The following LIMCH1 variants were observed in gnomAD, a reference collection of about 807,000 sequenced individuals.
LIMCH1 encodes the protein LIM and calponin homology domains 1.
In LIMCH1, 113 loss-of-function variants were observed where a neutral mutation model predicts 176.5. The ratio of observed to expected loss-of-function variants is 0.64; its 90% CI spans 0.55 to 0.75. The LOEUF is 0.75. LIMCH1 is among the 30% of genes least tolerant of loss of function. The pLI, the probability that LIMCH1 is intolerant of heterozygous loss-of-function variation, is 0.00. For synonymous variants in LIMCH1, 619 were observed against 645.9 expected (o/e 0.96, Z 0.63); for missense variants, 1,674 against 1,814.9 (o/e 0.92, Z 1.41).
chr4:41,569,001 T>TA (rs60634214), intron 1 of LIMCH1, among the ~76,000 whole-genome samples: 70 of 152,014 alleles, frequency 4.6e-4, no homozygotes, highest in African/African-American at 1.5e-3. Context: ...CTCATATAAT[T>TA]AAAAAAAACA....
chr4:41,652,072 A>C (rs2094319716), intron 18 of LIMCH1, among the ~76,000 whole-genome samples: 1 of 152,188 alleles, frequency 6.6e-6, no homozygotes, highest in Non-Finnish European at 1.5e-5. Flanking sequence ...AGTTACAAGA[A>C]GGGAAAAACT....
intron 1 of LIMCH1, among the ~76,000 whole-genome samples, chr4:41,449,866 G>A (rs1478712361): frequency 2.0e-5 from 3 of 152,214 alleles, no homozygotes; most frequent in Admixed American, 6.5e-5. Flanking sequence ...TGGCAGGGTT[G>A]ATGTCTTCTG....
intron 1 of LIMCH1, among the ~76,000 whole-genome samples, chr4:41,546,543 C>T (rs139646937): frequency 6.6e-6 from 1 of 151,324 alleles, no homozygotes; most frequent in Non-Finnish European, 1.5e-5. Flanking sequence ...TTTTTCTCAA[C>T]TTTCTTCTTT....
chr4:41,666,192 TC>T (rs2094817514), intron 20 of LIMCH1, among the ~76,000 whole-genome samples: 8 of 152,224 alleles, frequency 5.3e-5, no homozygotes, highest in Admixed American at 5.2e-4. Context: ...ATGTGGAACA[TC>T]TAAATCTCCT....
At chr4:41,446,963 G>A (rs2063345923) in intron 1 of LIMCH1, among the ~76,000 whole-genome samples, 1 of 152,186 alleles carries the variant, frequency 6.6e-6, no homozygotes, top group South Asian at 2.1e-4. Flanking sequence ...GGTGGCTCAT[G>A]CCTGTCTGTA....
intron 13 of LIMCH1, among the ~76,000 whole-genome samples, chr4:41,637,893 A>G (rs1367146876): frequency 1.3e-5 from 2 of 152,218 alleles, no homozygotes; most frequent in East Asian, 1.9e-4. Flanking sequence ...CCTATAAACT[A>G]TTGTGAAACT....
rs2152721412 is a variant in LIMCH1, at chr4:41,591,110, T to C, written c.-240-7810T>C. Among the ~76,000 whole-genome samples, 3 of 152,354 alleles carry C rather than the reference T, an allele frequency of 2.0e-5. 1 individual carries two copies. The South Asian group carries it at 6.2e-4, about 32-fold the overall frequency. On this transcript the variant is annotated intron_variant, in intron 1 of 31. Transcript: ENST00000503057. The stretch of plus-strand genomic sequence containing the variant: ...AGAAAAGTAACATTATTGTTGGTTA[T>C]GGGTTTCCTAACAAGATCTGGGTCT...
At chr4:41,525,271 G>A (rs1442103434) in intron 3 of LIMCH1, among the ~76,000 whole-genome samples, 3 of 152,214 alleles carry the variant, frequency 2.0e-5, no homozygotes, top group Non-Finnish European at 4.4e-5. Context: ...CAGAGCAGAG[G>A]AAGTATGTAG....
intron 1 of LIMCH1, among the ~76,000 whole-genome samples, chr4:41,544,425 T>C (rs1203646302): frequency 6.6e-6 from 1 of 152,208 alleles, no homozygotes; most frequent in Non-Finnish European, 1.5e-5. Flanking sequence ...GAAGAAAATG[T>C]AGCTGTCGTC....
chr4:41,364,534 A>G (rs1384240944), intron 1 of LIMCH1, among the ~76,000 whole-genome samples: 1 of 152,312 alleles, frequency 6.6e-6, no homozygotes, highest in East Asian at 1.9e-4. Context: ...AGTTAACTAG[A>G]TGCTACATGT....
intron 20 of LIMCH1, among the ~76,000 whole-genome samples, chr4:41,664,961 A>G (rs1001414366): frequency 5.3e-5 from 8 of 152,162 alleles, no homozygotes; most frequent in African/African-American, 1.7e-4. Context: ...TGCCAAATAT[A>G]TATATAGCCC....
At chr4:41,402,037 C>A (rs192796594) in intron 1 of LIMCH1, among the ~76,000 whole-genome samples, 1,743 of 152,260 alleles carry the variant, frequency 0.011, 32 homozygotes, top group African/African-American at 0.04. Context: ...CTTCCCCTGC[C>A]TAATTGCCCT....
rs143755660 is a variant in LIMCH1 at position 41,381,359 on chromosome 4, C to T, written c.96+20423C>T. ...CTGTCAGCTCCAAGTATCGGTAATA[C>T]GAAGTGCAGTATTTTAAACACCCAA... is the stretch of plus-strand genomic sequence containing the variant. On this transcript the variant is annotated intron_variant, in intron 1 of 26. Transcript: ENST00000313860. Among the ~76,000 whole-genome samples the T allele has an allele frequency of 3.6e-3, 545 of 152,270 alleles. 3 individuals are homozygous for T. Among genetic ancestry groups the T allele is most frequent in the East Asian group, 0.021 (110 of 5,184 alleles).
At chr4:41,670,836 C>G in intron 21 of LIMCH1, 1 of 1,533,848 alleles carries the variant, frequency 6.5e-7, no homozygotes, top group South Asian at 1.2e-5. Context: ...GTGCGAAAAT[C>G]CATGTTGGGG....
chr4:41,648,151 A>C (rs2094140251), intron 17 of LIMCH1, among the ~76,000 whole-genome samples: 1 of 152,192 alleles, frequency 6.6e-6, no homozygotes, highest in South Asian at 2.1e-4. Flanking sequence ...ATGAATGGCT[A>C]TGGTATTTCC....
chr4:41,547,600 T>C (rs1278175344), intron 1 of LIMCH1, among the ~76,000 whole-genome samples: 1 of 147,832 alleles, frequency 6.8e-6, no homozygotes, highest in Non-Finnish European at 1.5e-5. Flanking sequence ...TTAAATGAGC[T>C]AATATATAAT....
At position 41,629,572 on chromosome 4, in the gene LIMCH1, G is replaced by A; in HGVS notation, c.1109G>A (p.Gly370Glu). The change falls in exon 9 of 32, where the codon GGA (glycine) becomes GAA (glutamate). Residue 370 changes from glycine to glutamate, a missense_variant. This residue lies in a region of LIMCH1 where 655 missense variants were observed against 692.2 expected (regional missense o/e 0.95). Coordinates refer to ENST00000503057, the MANE Select transcript of LIMCH1 (RefSeq NM_001330672.2). ...CAGGAAAGTGAACCTGTGGAAGGAG[G>A]ACTCAGGAAGGTGCCAGATCTTCAC... ...RAQESEPVEG[G>E]LRKVPDLHKD... 6.5e-7 allele frequency: 1 copy of A among 1,536,092 alleles called. No individual in the cohort carries two copies. Among genetic ancestry groups the A allele is most frequent in the South Asian group, 1.2e-5 (1 of 84,050 alleles).
rs760488800 is a variant in LIMCH1, at chr4:41,697,201, T to G, written c.*16T>G. On this transcript the variant is annotated 3_prime_UTR_variant, in exon 32 of 32. Transcript: ENST00000503057. The stretch of plus-strand genomic sequence containing the variant: ...AACATTGTGACACGGCTTTCAAGCT[T>G]CCGGATCACTCACCATTTCTTTACT... 2 of 1,613,038 alleles carry G rather than the reference T, an allele frequency of 1.2e-6. No individual in the cohort carries two copies. The highest frequency in any genetic ancestry group is 1.7e-6 in the Non-Finnish European group (2 of 1,179,080).
At chr4:41,658,709 A>G (rs2094530201) in intron 18 of LIMCH1, among the ~76,000 whole-genome samples, 1 of 152,222 alleles carries the variant, frequency 6.6e-6, no homozygotes. Flanking sequence ...TCTTAGTAGT[A>G]CCTAAAGTAA....
Sources: allele counts gnomAD v4.1 joint callset (sites outside exome capture counted in the v4.1 genomes callset), GRCh38; gene constraint gnomAD v4.1.1; regional missense constraint gnomAD v4.1.1; transcripts MANE v1.5; gene names NCBI Gene and HGNC (gene_info 2026-07-23, HGNC 2026-07-21).